Variants in QPCT observed in about 807,000 individuals in gnomAD.
QPCT encodes the protein glutaminyl-peptide cyclotransferase.
QPCT carries 44 observed loss-of-function variants against 43.4 expected under a neutral mutation model. The observed-to-expected ratio is 1.01, with a 90% confidence interval of 0.80 to 1.30. The LOEUF is 1.30. Ranked by LOEUF, QPCT falls within the 50% of genes most tolerant of loss-of-function variation. QPCT has a pLI of 0.00. For missense variants in QPCT, 526 were observed against 436.5 expected (o/e 1.21, Z -1.83); for synonymous variants, 168 against 168.4 (o/e 1.00, Z 0.02).
At position 37,367,360 on chromosome 2, in the gene QPCT, G is replaced by A. The variant is rs1672983213; in HGVS notation, c.675G>A (p.Ser225=). The change falls in exon 4 of 7, where the codon TCG becomes TCA. Residue 225 remains serine (S), a synonymous_variant. Transcript: ENST00000338415. ...GACACTTAGCTGCAAAGATGGCATC[G>A]ACCCCGCACCCACCTGGAGCGAGAG... The part of the protein sequence containing the change: ...GSRHLAAKMA[S]TPHPPGARGT... 2.5e-6 allele frequency: 4 copies of A among 1,613,732 alleles called. No homozygotes were observed. Among genetic ancestry groups the A allele is most frequent in the East Asian group, 2.2e-5 (1 of 44,874 alleles).
chr2:37,347,041 C>G (rs1176532586), intron 1 of QPCT, among the ~76,000 whole-genome samples: 2 of 148,252 alleles, frequency 1.3e-5, no homozygotes, highest in African/African-American at 5.0e-5. Flanking sequence ...TATTTGAAAC[C>G]TGGAAACAAT....
chr2:37,364,419 C>T (rs932710327), intron 3 of QPCT, among the ~76,000 whole-genome samples: 10 of 152,040 alleles, frequency 6.6e-5, no homozygotes, highest in South Asian at 2.1e-4. Flanking sequence ...CAGAGGGCTC[C>T]GGAAGGGCCC....
chr2:37,355,604 T>C (rs1023361311), intron 2 of QPCT, among the ~76,000 whole-genome samples: 1 of 152,194 alleles, frequency 6.6e-6, no homozygotes, highest in Non-Finnish European at 1.5e-5. Context: ...GGGGGAACCC[T>C]GTCCCACATT....
chr2:37,356,683 T>C (rs1672753686), intron 2 of QPCT, among the ~76,000 whole-genome samples: 1 of 152,144 alleles, frequency 6.6e-6, no homozygotes, highest in South Asian at 2.1e-4. Context: ...TCTTAGCTGC[T>C]AAGATAAACA....
chr2:37,367,385 G>C lies in QPCT; in HGVS notation c.700G>C (p.Gly234Arg), dbSNP rs1672983992. ...ASTPHPPGAR[G>R]TSQLHGMDLL... Reference sequence around the variant, plus strand: ...GACCCCGCACCCACCTGGAGCGAGAGGCACCAGCCAACTGCATGGCATGGT... The same window carrying C: ...GACCCCGCACCCACCTGGAGCGAGACGCACCAGCCAACTGCATGGCATGGT... The change falls in exon 4 of 7, where the codon GGC becomes CGC. Residue 234 changes from glycine (G) to arginine (R), a missense_variant. Gly to Arg is a moderately radical substitution (Grantham distance 125). Transcript: ENST00000338415. The C allele has an allele frequency of 6.2e-7, 1 of 1,613,650 alleles. No individual in the cohort carries two copies. Among genetic ancestry groups the C allele is most frequent in the African/African-American group, 1.3e-5 (1 of 74,904 alleles).
At chr2:37,368,437 C>T (rs1397464579) in intron 4 of QPCT, 2 of 345,410 alleles carry the variant, frequency 5.8e-6, no homozygotes, top group Non-Finnish European at 1.2e-5. Context: ...CTTCACTAGC[C>T]CCGGTGCCTT....
chr2:37,371,244 C>A (rs1430401843), intron 5 of QPCT, among the ~76,000 whole-genome samples: 1 of 151,792 alleles, frequency 6.6e-6, no homozygotes, highest in Non-Finnish European at 1.5e-5. Flanking sequence ...GGATTTTGTG[C>A]ACTTTTATTA....
chr2:37,353,678 T>G (rs548056615), intron 2 of QPCT, among the ~76,000 whole-genome samples: 1 of 152,308 alleles, frequency 6.6e-6, no homozygotes, highest in Non-Finnish European at 1.5e-5. Flanking sequence ...CTGATGTCAG[T>G]CTTCCTAAGC....
chr2:37,369,698 T>C lies in QPCT; in HGVS notation c.737T>C (p.Leu246Ser). The C allele has an allele frequency of 6.3e-7, 1 of 1,599,106 alleles. No homozygotes were observed. Among genetic ancestry groups the C allele is most frequent in the Non-Finnish European group, 8.6e-7 (1 of 1,166,270 alleles). The change falls in exon 5 of 7, where the codon TTA (leucine) becomes TCA (serine). Residue 246 changes from leucine (L) to serine (S), a missense_variant. Leu to Ser is a moderately radical substitution (Grantham distance 145). Transcript: ENST00000338415. ...SQLHGMDLLVLLDLIGAPNPT... is the reference protein window; with the variant it reads ...SQLHGMDLLVSLDLIGAPNPT... ...TTTCTCCCTCAGGATTTATTGGTCTTATTGGATTTGATTGGAGCTCCAAAC... is the reference window on the plus strand; with the variant it reads ...TTTCTCCCTCAGGATTTATTGGTCTCATTGGATTTGATTGGAGCTCCAAAC...
rs57145812 is a variant in QPCT, at chr2:37,364,256, A to G, written c.547-2976A>G. Among the ~76,000 whole-genome samples the G allele has an allele frequency of 1.6e-3, 250 of 152,288 alleles. 1 individual carries two copies. The highest frequency in any genetic ancestry group is 5.7e-3 in the African/African-American group (236 of 41,562). On this transcript the variant is annotated intron_variant, in intron 3 of 6. Coordinates refer to ENST00000338415, the MANE Select transcript of QPCT (RefSeq NM_012413.4). ...AAAGCTGTGCTCCAGAAAAATCAAGAAAGAAATCAAGGATGAGGGAGTCAT... is the reference window on the plus strand; with the variant it reads ...AAAGCTGTGCTCCAGAAAAATCAAGGAAGAAATCAAGGATGAGGGAGTCAT...
intron 2 of QPCT, among the ~76,000 whole-genome samples, chr2:37,357,005 C>CAAAA (rs1290865213): frequency 1.1e-5 from 1 of 90,692 alleles, no homozygotes; most frequent in Non-Finnish European, 2.6e-5. Flanking sequence ...GACTCCGTCT[C>CAAAA]AAAAAAAAAA....
intron 1 of QPCT, among the ~76,000 whole-genome samples, chr2:37,346,191 AG>A (rs929310396): frequency 2.6e-5 from 4 of 152,230 alleles, no homozygotes; most frequent in Admixed American, 2.6e-4. Context: ...ATCACCACTC[AG>A]GGGTCACAGC....
intron 3 of QPCT, among the ~76,000 whole-genome samples, chr2:37,361,097 A>G (rs988745106): frequency 6.6e-6 from 1 of 152,188 alleles, no homozygotes; most frequent in African/African-American, 2.4e-5. Flanking sequence ...TTGAATCAAC[A>G]TATATATTCT....
chr2:37,346,586 G>T (rs1426392212), intron 1 of QPCT, among the ~76,000 whole-genome samples: 2 of 152,176 alleles, frequency 1.3e-5, no homozygotes, highest in Non-Finnish European at 2.9e-5. Context: ...AAACCAATGA[G>T]AATTTAACTT....
chr2:37,359,359 G>T (rs73924611), intron 2 of QPCT, among the ~76,000 whole-genome samples: 18,738 of 152,188 alleles, frequency 0.12, 3,542 homozygotes, highest in African/African-American at 0.41. Context: ...GGAAGTTTAA[G>T]GGAGAGGCAA....
At chr2:37,356,011 C>T (rs1672737414) in intron 2 of QPCT, among the ~76,000 whole-genome samples, 1 of 152,138 alleles carries the variant, frequency 6.6e-6, no homozygotes, top group Non-Finnish European at 1.5e-5. Flanking sequence ...CCCGAGTCTT[C>T]AGGTGGCAGA....
intron 4 of QPCT, 106 bp downstream of exon 4, chr2:37,367,514 C>T: frequency 8.6e-7 from 1 of 1,159,048 alleles, no homozygotes; most frequent in Non-Finnish European, 1.2e-6. Flanking sequence ...ATCCTTGGAG[C>T]ACAGTGTTTA....
rs567227911 is a variant in QPCT at position 37,372,937 on chromosome 2, T to C, written c.*110T>C. ...ATGCTGTGTGGAAACATCTATCCTA[T>C]AGATCATCCTATTCTTATGTGTCTT... On this transcript the variant is annotated 3_prime_UTR_variant, in exon 7 of 7. Transcript: ENST00000338415. 315 of 905,866 alleles carry C rather than the reference T, an allele frequency of 3.5e-4. No homozygotes were observed. The highest frequency in any genetic ancestry group is 4.3e-4 in the South Asian group (22 of 51,484). The allele number at this position is 905,866 out of a possible 1,614,324, so 56.1% of individuals were successfully genotyped here. A position where few individuals can be genotyped will look rare whatever the true frequency, so the allele number is the denominator to read the frequency against.
chr2:37,371,692 T>C (rs1673077452), intron 5 of QPCT, among the ~76,000 whole-genome samples: 1 of 152,200 alleles, frequency 6.6e-6, no homozygotes. Flanking sequence ...ATGACTTATG[T>C]AGGCCAGTGG....
Sources: allele counts gnomAD v4.1 joint callset (sites outside exome capture counted in the v4.1 genomes callset), GRCh38; gene constraint gnomAD v4.1.1; transcripts MANE v1.5; gene names NCBI Gene and HGNC (gene_info 2026-07-23, HGNC 2026-07-21).